The following GRM1 variants were observed in gnomAD, a reference collection of about 807,000 sequenced individuals.
GRM1 encodes metabotropic glutamate receptor 1.
Under a neutral mutation model 90.9 loss-of-function variants are expected in GRM1, and 33 were observed. The observed-to-expected ratio is 0.36, with a 90% CI of 0.28 to 0.49. The LOEUF (loss-of-function observed/expected upper bound fraction) is 0.49, where lower values mean the gene tolerates loss of function less well. Ranked by LOEUF, GRM1 falls within the 20% of genes least tolerant of loss-of-function variation. GRM1 has a pLI of 0.99. For missense variants in GRM1, 1,190 were observed against 1,534.3 expected, an observed-to-expected ratio of 0.78 and a Z score of 3.75; for synonymous variants, 700 against 613.2, an observed-to-expected ratio of 1.14 and a Z score of -2.09.
Position 146,121,806 on chromosome 6 carries a change from A to G in GRM1, c.701-37542A>G, listed in dbSNP as rs186198787. Among the ~76,000 whole-genome samples the G allele has an allele frequency of 2.6e-5, 4 of 152,334 alleles. No homozygotes were observed. The East Asian group carries it at 7.7e-4, about 29-fold the overall frequency. On this transcript the variant is annotated intron_variant, in intron 1 of 7. Transcript: ENST00000282753. ...ACTGTGGTCTGAGAGACAATTTGTT[A>G]TAATTTCTGTTCTTTTACATTTGCT...
intron 1 of GRM1, among the ~76,000 whole-genome samples, chr6:146,035,345 T>C (rs1427099466): frequency 6.6e-6 from 1 of 151,986 alleles, no homozygotes; most frequent in African/African-American, 2.4e-5. Flanking sequence ...ATGTGAACTT[T>C]GGCCAAGAGA....
chr6:146,321,044 G>T (rs1284246226), intron 3 of GRM1, among the ~76,000 whole-genome samples: 4 of 151,810 alleles, frequency 2.6e-5, no homozygotes, highest in Non-Finnish European at 5.9e-5. Context: ...TGCTTCTCTA[G>T]TTCTTTTAAT....
At chr6:146,259,990 G>A (rs1052338456) in intron 2 of GRM1, among the ~76,000 whole-genome samples, 2 of 147,320 alleles carry the variant, frequency 1.4e-5, no homozygotes, top group African/African-American at 4.9e-5. Flanking sequence ...ATATATATAT[G>A]TTAGTGACAC....
intron 1 of GRM1, among the ~76,000 whole-genome samples, chr6:146,073,049 A>G (rs558462382): frequency 1.3e-5 from 2 of 152,218 alleles, no homozygotes; most frequent in East Asian, 3.9e-4. Flanking sequence ...CTTCTACTCT[A>G]TCTTTTTTTG....
At chr6:146,354,423 A>T (rs547802243) in intron 4 of GRM1, among the ~76,000 whole-genome samples, 2 of 152,304 alleles carry the variant, frequency 1.3e-5, no homozygotes, top group South Asian at 4.1e-4. Context: ...ACAAGGCCAG[A>T]TGCATTTTTG....
intron 1 of GRM1, among the ~76,000 whole-genome samples, chr6:146,077,499 A>G (rs1366089453): frequency 1.3e-5 from 2 of 152,174 alleles, no homozygotes; most frequent in Non-Finnish European, 2.9e-5. Context: ...CTCAACACAA[A>G]GACAAATTAT....
chr6:146,398,040 C>G (rs1236556386), intron 6 of GRM1, among the ~76,000 whole-genome samples: 3 of 152,192 alleles, frequency 2.0e-5, no homozygotes, highest in African/African-American at 4.8e-5. Flanking sequence ...TATTCTCCAT[C>G]TAGAAGGAAA....
At chr6:146,393,745 C>T (rs1776819682) in intron 6 of GRM1, among the ~76,000 whole-genome samples, 1 of 152,072 alleles carries the variant, frequency 6.6e-6, no homozygotes, top group Non-Finnish European at 1.5e-5. Flanking sequence ...TGACTTTCTT[C>T]ACAGAATTAG....
At chr6:146,282,839 A>T (rs927215856) in intron 2 of GRM1, among the ~76,000 whole-genome samples, 11 of 152,338 alleles carry the variant, frequency 7.2e-5, no homozygotes, top group Middle Eastern at 3.4e-3. Context: ...GAGCATTACC[A>T]GCAGCATATT....
chr6:146,100,789 G>A (rs909933213), intron 1 of GRM1, among the ~76,000 whole-genome samples: 3 of 152,164 alleles, frequency 2.0e-5, no homozygotes, highest in African/African-American at 4.8e-5. Flanking sequence ...CTGGTAATAT[G>A]AAATTCATTG....
Position 146,357,642 on chromosome 6 carries a change from G to C in GRM1, c.1550G>C (p.Ser517Thr), listed in dbSNP as rs1187380406. The C allele has an allele frequency of 1.2e-6, 2 of 1,613,952 alleles. No homozygotes were observed. Among genetic ancestry groups the C allele is most frequent in the Admixed American group, 1.7e-5 (1 of 59,992 alleles). The change falls in exon 5 of 8, where the codon AGT becomes ACT. Residue 517 changes from serine (S) to threonine (T), a missense_variant. Physicochemically the swap from Ser to Thr is moderately conservative, Grantham distance 58. This residue lies in a region of GRM1 where 414 missense variants were observed against 598.4 expected (regional missense o/e 0.69). Coordinates refer to ENST00000282753, the MANE Select transcript of GRM1 (RefSeq NM_001278064.2). ...IDDYKIQMNK[S>T]GVVRSVCSEP... ...GATTACAAAATCCAGATGAACAAGA[G>C]TGGAGTGGTGCGGTCTGTGTGCAGT...
chr6:146,113,639 G>T (rs1212232043), intron 1 of GRM1, among the ~76,000 whole-genome samples: 1 of 152,170 alleles, frequency 6.6e-6, no homozygotes, highest in Non-Finnish European at 1.5e-5. Flanking sequence ...GTCACTCAGT[G>T]TGAGGCTAGT....
At chr6:146,214,206 G>A (rs1779791581) in intron 2 of GRM1, among the ~76,000 whole-genome samples, 1 of 152,054 alleles carries the variant, frequency 6.6e-6, no homozygotes, top group African/African-American at 2.4e-5. Context: ...CAGTCAAATT[G>A]ACACCTAAGA....
At chr6:146,176,890 T>C (rs892893505) in intron 2 of GRM1, among the ~76,000 whole-genome samples, 9 of 152,086 alleles carry the variant, frequency 5.9e-5, no homozygotes, top group African/African-American at 1.9e-4. Flanking sequence ...CTAAGAGAAC[T>C]TGAGTAAGTT....
intron 3 of GRM1, among the ~76,000 whole-genome samples, chr6:146,314,563 G>A (rs1350189768): frequency 6.6e-6 from 1 of 152,088 alleles, no homozygotes; most frequent in Non-Finnish European, 1.5e-5. Flanking sequence ...TGCATCATGT[G>A]GTAAGTGTGT....
At chr6:146,335,238 T>A (rs362983) in intron 3 of GRM1, among the ~76,000 whole-genome samples, 1,728 of 152,164 alleles carry the variant, frequency 0.011, 71 homozygotes, top group East Asian at 0.079. Context: ...GCCAGGGAGG[T>A]ATTAATGGTG....
chr6:146,162,161 T>A (rs1426825169), intron 2 of GRM1, among the ~76,000 whole-genome samples: 1 of 152,232 alleles, frequency 6.6e-6, no homozygotes, highest in Non-Finnish European at 1.5e-5. Flanking sequence ...TGAAGTTTTT[T>A]GAGATCAGAA....
At chr6:146,278,943 A>G (rs1782470853) in intron 2 of GRM1, among the ~76,000 whole-genome samples, 1 of 152,112 alleles carries the variant, frequency 6.6e-6, no homozygotes, top group Non-Finnish European at 1.5e-5. Context: ...TTGACCTCCT[A>G]ATCCGCCCGC....
At chr6:146,064,062 A>T (rs1393151882) in intron 1 of GRM1, among the ~76,000 whole-genome samples, 1 of 152,208 alleles carries the variant, frequency 6.6e-6, no homozygotes, top group Non-Finnish European at 1.5e-5. Context: ...TTCTGAAAAT[A>T]TACCAATTGC....
Sources: gnomAD v4.1 joint callset for allele counts (sites outside exome capture counted in the v4.1 genomes callset) on GRCh38, gnomAD v4.1.1 for gene constraint, gnomAD v4.1.1 regional missense constraint, MANE v1.5 for transcripts, NCBI Gene and HGNC (gene_info 2026-07-23, HGNC 2026-07-21) for gene names.